C2CD2: variants seen among roughly 807,000 people sequenced by gnomAD.
The protein encoded by C2CD2 is C2 domain-containing protein 2.
In C2CD2, 43 loss-of-function variants were observed where a neutral mutation model predicts 74.3. The ratio of observed to expected loss-of-function variants is 0.58; its 90% CI spans 0.45 to 0.75. The LOEUF is 0.75. C2CD2 is among the 30% of genes least tolerant of loss of function. The probability of loss-of-function intolerance (pLI) is 0.00; values close to 1 mark genes in which losing one functional copy is unlikely to be tolerated. For missense variants in C2CD2, 801 were observed against 916.3 expected (o/e 0.87, Z 1.63); for synonymous variants, 422 against 390.7 (o/e 1.08, Z -0.94).
At position 41,953,626 on chromosome 21, in the gene C2CD2, G is replaced by A. The variant is rs751654482; in HGVS notation, c.23C>T (p.Ser8Leu). 15 of 1,490,894 alleles carry A rather than the reference G, an allele frequency of 1.0e-5. No individual in the cohort carries two copies. The highest frequency in any genetic ancestry group is 1.2e-5 in the Non-Finnish European group (13 of 1,129,744). 92.4% of individuals were successfully genotyped at this position (1,490,894 alleles called of 1,614,324 possible). MAMARLG[S>L]WLGEAQWLAL... ...GAGCCACTGCGCCTCCCCGAGCCAC[G>A]AGCCCAGCCGGGCCATGGCCATGGC... Residue 8 changes from serine to leucine, a missense_variant, in exon 1 of 14, where the codon TCG (serine) becomes TTG (leucine). Physicochemically the swap from Ser to Leu is moderately radical, Grantham distance 145. Coordinates refer to ENST00000380486, the MANE Select transcript of C2CD2 (RefSeq NM_015500.2).
intron 3 of C2CD2, among the ~76,000 whole-genome samples, chr21:41,921,456 T>TTA (rs915729175): frequency 6.6e-5 from 10 of 152,314 alleles, no homozygotes; most frequent in South Asian, 2.1e-4. Flanking sequence ...ATGTGTAAAA[T>TTA]TATATATATG....
intron 2 of C2CD2, among the ~76,000 whole-genome samples, chr21:41,925,432 C>T (rs762970321): frequency 7.2e-5 from 11 of 152,136 alleles, no homozygotes; most frequent in South Asian, 4.1e-4. Flanking sequence ...TGCAGTGAGC[C>T]GTGATTGTGC....
intron 10 of C2CD2, 37 bp downstream of exon 10, chr21:41,906,955 T>C (rs2064968756): frequency 6.4e-7 from 1 of 1,567,638 alleles, no homozygotes; most frequent in Non-Finnish European, 8.8e-7. Context: ...GCAGGCGTCA[T>C]GCAGAAAGTT....
intron 7 of C2CD2, among the ~76,000 whole-genome samples, chr21:41,911,016 T>G (rs1376687588): frequency 1.3e-5 from 2 of 150,960 alleles, no homozygotes; most frequent in African/African-American, 4.9e-5. Flanking sequence ...AAAATAGGCA[T>G]CCTTCTCTTG....
intron 3 of C2CD2, among the ~76,000 whole-genome samples, chr21:41,920,394 C>A (rs1162739256): frequency 2.0e-5 from 3 of 152,190 alleles, no homozygotes; most frequent in African/African-American, 7.2e-5. Flanking sequence ...CACTCCTAAA[C>A]AAAAGGGAAG....
chr21:41,902,644 G>A (rs1028093951), intron 11 of C2CD2, among the ~76,000 whole-genome samples: 14 of 152,194 alleles, frequency 9.2e-5, no homozygotes, highest in Admixed American at 1.3e-4. Flanking sequence ...CTTCTGTCTC[G>A]GTTTTGGCCA....
intron 1 of C2CD2, among the ~76,000 whole-genome samples, chr21:41,947,667 C>T (rs1339316622): frequency 1.3e-5 from 2 of 152,116 alleles, no homozygotes; most frequent in African/African-American, 2.4e-5. Context: ...AGAGAGCAGC[C>T]CACCTTTATT....
At chr21:41,953,304 A>T in intron 1 of C2CD2, 66 bp downstream of exon 1, 2 of 1,138,414 alleles carry the variant, frequency 1.8e-6, no homozygotes, top group South Asian at 4.2e-5. Flanking sequence ...CCTCCAGGAA[A>T]GACCTCGGCC....
chr21:41,915,314 C>A (rs1219876579), intron 5 of C2CD2, among the ~76,000 whole-genome samples: 3 of 152,336 alleles, frequency 2.0e-5, no homozygotes, highest in East Asian at 3.9e-4. Flanking sequence ...CCAATAGACA[C>A]CACATCACAT....
Position 41,931,423 on chromosome 21 carries a change from T to C in C2CD2, c.379-9338A>G, listed in dbSNP as rs903344106. 3.2e-5 allele frequency among the ~76,000 whole-genome samples: 3 copies of C among 93,538 alleles called. 1 individual carries two copies. The highest frequency in any genetic ancestry group is 6.7e-5 in the Non-Finnish European group (3 of 44,598). 61.4% of individuals were successfully genotyped at this position (93,538 alleles called of 152,430 possible). A position where few individuals can be genotyped will look rare whatever the true frequency, so the allele number is the denominator to read the frequency against. On this transcript the variant is annotated intron_variant, in intron 2 of 13. Transcript: ENST00000380486. Reference sequence around the variant, plus strand: ...AGATAAGAGCGTCTTTTGAGAAGAGTGTCTTTTTTTTTTTTTTTGAGACGG... The same window carrying C: ...AGATAAGAGCGTCTTTTGAGAAGAGCGTCTTTTTTTTTTTTTTTGAGACGG...
At chr21:41,894,815 GGGCCC>G (rs761295152) in intron 13 of C2CD2, 35 of 456,670 alleles carry the variant, frequency 7.7e-5, no homozygotes, top group South Asian at 1.5e-4. Context: ...AGGGAGAACA[GGGCCC>G]CCAGATTTGC....
chr21:41,902,296 G>C (rs1468967413), intron 11 of C2CD2, among the ~76,000 whole-genome samples: 1 of 152,168 alleles, frequency 6.6e-6, no homozygotes, highest in Non-Finnish European at 1.5e-5. Context: ...ATAGTAACTA[G>C]AGCTATGAAG....
rs2064971188 is a variant in C2CD2 at position 41,907,076 on chromosome 21, G to C, written c.1234C>G (p.Pro412Ala). The C allele has an allele frequency of 6.2e-7, 1 of 1,613,590 alleles. No individual in the cohort carries two copies. The highest frequency in any genetic ancestry group is 8.5e-7 in the Non-Finnish European group (1 of 1,179,474). Reference sequence around the variant, plus strand: ...ACAGTAGTGACCACAGTCCCACAGGGCATCACCGTGCGGTCCTTTTCTATT... The same window carrying C: ...ACAGTAGTGACCACAGTCCCACAGGCCATCACCGTGCGGTCCTTTTCTATT... ...AKIEKDRTVM[P>A]CGTVVTTVTA... Residue 412 changes from proline to alanine, a missense_variant, in exon 10 of 14, where the codon CCC becomes GCC. By Grantham distance (27) the Pro-to-Ala change is conservative. Transcript: ENST00000380486.
Position 41,899,259 on chromosome 21 carries a change from G to A in C2CD2, c.1664C>T (p.Ala555Val). The A allele has an allele frequency of 6.2e-7, 1 of 1,612,134 alleles. No individual in the cohort carries two copies. ...EDAPSHPERA[A>V]ASAPPEEAES... ...GGCTTCCTCTGGCGGGGCAGAGGCT[G>A]CCGCCCTCTCCGGATGGGATGGGGC... Residue 555 changes from alanine (A) to valine (V), a missense_variant, in exon 13 of 14, where the codon GCA becomes GTA. Ala to Val is a moderately conservative substitution (Grantham distance 64). Transcript: ENST00000380486. The surrounding 1 kb of genome is among the most constrained non-coding windows in gnomAD (Gnocchi z 4.4).
chr21:41,933,209 CCT>C (rs2065278015), intron 2 of C2CD2, among the ~76,000 whole-genome samples: 1 of 150,340 alleles, frequency 6.7e-6, no homozygotes, highest in Admixed American at 6.6e-5. Flanking sequence ...ATGAGAAGTT[CCT>C]GTTTCTTTTC....
rs1193841250 is a variant in C2CD2 at position 41,919,183 on chromosome 21, T to C, written c.493-223A>G. The stretch of plus-strand genomic sequence containing the variant: ...GTATGAGCATGTGTGTGCATGTGAG[T>C]GTGAATGTGTGCATGTGCATGTGTA... On this transcript the variant is annotated intron_variant, in intron 3 of 13. Transcript: ENST00000380486. 5 of 585,246 alleles carry C rather than the reference T, an allele frequency of 8.5e-6. No homozygotes were observed. In the East Asian group the frequency reaches 8.6e-5, roughly 10 times the overall value. 36.3% of individuals were successfully genotyped at this position (585,246 alleles called of 1,614,324 possible).
intron 2 of C2CD2, among the ~76,000 whole-genome samples, chr21:41,933,897 A>G (rs2065284402): frequency 6.6e-6 from 1 of 152,240 alleles, no homozygotes; most frequent in Admixed American, 6.5e-5. Flanking sequence ...TGGCCACAAA[A>G]ACATAAAAGT....
chr21:41,919,778 C>T (rs780321000), intron 3 of C2CD2, among the ~76,000 whole-genome samples: 5 of 152,270 alleles, frequency 3.3e-5, no homozygotes, highest in South Asian at 2.1e-4. Context: ...GACAGAACAG[C>T]GGCCCCCAAA....
At chr21:41,894,840 C>A (rs186956424) in intron 13 of C2CD2, 4 of 456,766 alleles carry the variant, frequency 8.8e-6, no homozygotes, top group African/African-American at 6.0e-5. Context: ...CCAGTGCACA[C>A]TAAATAGCCG....
Sources: allele counts gnomAD v4.1 joint callset (sites outside exome capture counted in the v4.1 genomes callset), GRCh38; gene constraint gnomAD v4.1.1; non-coding constraint Gnocchi (gnomAD v3.1); transcripts MANE v1.5; gene names NCBI Gene and HGNC (gene_info 2026-07-23, HGNC 2026-07-21).